The following FAM193A variants were observed in gnomAD, a reference collection of about 807,000 sequenced individuals.
FAM193A encodes family with sequence similarity 193 member A.
A neutral mutation model predicts 126.5 loss-of-function variants in FAM193A; 22 were observed. The ratio of observed to expected loss-of-function variants is 0.17; its 90% CI spans 0.12 to 0.25. The LOEUF (loss-of-function observed/expected upper bound fraction) is 0.25. FAM193A is among the 10% of genes least tolerant of loss of function. FAM193A has a pLI of 1.00. For missense variants in FAM193A, 1,675 were observed against 1,672.8 expected (o/e 1.00, Z -0.02); for synonymous variants, 761 against 646.8 (o/e 1.18, Z -2.68).
At chr4:2,686,477 A>G (rs1345918614) in intron 13 of FAM193A, among the ~76,000 whole-genome samples, 2 of 152,190 alleles carry the variant, frequency 1.3e-5, no homozygotes, top group African/African-American at 4.8e-5. Context: ...CAAAATATCA[A>G]AATGTTGTGA....
chr4:2,630,220 G>A (rs1319288386), intron 4 of FAM193A, among the ~76,000 whole-genome samples: 1 of 150,606 alleles, frequency 6.6e-6, no homozygotes, highest in African/African-American at 2.5e-5. Context: ...TCATGAAAAT[G>A]CTCATTGCAT....
chr4:2,552,020 T>TTA, intron 1 of FAM193A, among the ~76,000 whole-genome samples: 1 of 147,342 alleles, frequency 6.8e-6, no homozygotes, highest in Non-Finnish European at 1.5e-5. Flanking sequence ...TTTTTTTTTT[T>TTA]TTTTTTTTCG....
At chr4:2,715,679 G>A (rs187183955) in intron 19 of FAM193A, among the ~76,000 whole-genome samples, 31 of 152,252 alleles carry the variant, frequency 2.0e-4, no homozygotes, top group South Asian at 6.2e-4. Flanking sequence ...GCTTGCGTGC[G>A]AATTAGATTT....
At chr4:2,655,115 C>A in intron 7 of FAM193A, 1 of 699,548 alleles carries the variant, frequency 1.4e-6, no homozygotes, top group Non-Finnish European at 2.6e-6. Flanking sequence ...CCAGTCCTGG[C>A]TTCGAGGGGC....
intron 7 of FAM193A, among the ~76,000 whole-genome samples, chr4:2,649,084 G>A (rs1745413395): frequency 6.6e-6 from 1 of 152,178 alleles, no homozygotes; most frequent in Non-Finnish European, 1.5e-5. Context: ...TTTTTAAAAA[G>A]TAAAACTGGC....
Position 2,601,725 on chromosome 4 carries a change from T to TA in FAM193A, c.501+5409dup, listed in dbSNP as rs974230252. Among the ~76,000 whole-genome samples, 355 of 143,124 alleles carry TA rather than the reference T, an allele frequency of 2.5e-3. 3 individuals carry two copies. The highest frequency in any genetic ancestry group is 0.023 in the South Asian group (107 of 4,588). 93.9% of individuals were successfully genotyped at this position (143,124 alleles called of 152,430 possible). A position where few individuals can be genotyped will look rare whatever the true frequency, so the allele number is the denominator to read the frequency against. On this transcript the variant is annotated intron_variant, in intron 2 of 20. Coordinates refer to ENST00000637812, the MANE Select transcript of FAM193A (RefSeq NM_001366318.2). Reference sequence around the variant, plus strand: ...CTAACATAGAAAGACTCTGTCTCTATAAAAAAAAAAAAATTATAAACCAAA... The same window carrying TA: ...CTAACATAGAAAGACTCTGTCTCTATAAAAAAAAAAAAAATTATAAACCAAA...
rs61791163 is a variant in FAM193A at position 2,671,744 on chromosome 4, G to C, written c.2080-377G>C. Among the ~76,000 whole-genome samples the C allele has an allele frequency of 8.0e-3, 1,226 of 152,326 alleles. 8 individuals carry two copies. Among genetic ancestry groups the C allele is most frequent in the Non-Finnish European group, 0.012 (816 of 68,022 alleles). On this transcript the variant is annotated intron_variant, in intron 12 of 20. Coordinates refer to ENST00000637812, the MANE Select transcript of FAM193A (RefSeq NM_001366318.2). ...GCTTTGTTTTGGAGAATCCATGTGT[G>C]ACTACTTAGAAGCAGTGTGAGCCCA...
chr4:2,546,188 C>T (rs950878570), intron 1 of FAM193A, among the ~76,000 whole-genome samples: 19 of 151,568 alleles, frequency 1.3e-4, no homozygotes, highest in African/African-American at 4.6e-4. Context: ...GATGGGGTCC[C>T]ACTGTGTTTC....
At chr4:2,611,591 A>C (rs1741878756) in intron 2 of FAM193A, among the ~76,000 whole-genome samples, 1 of 151,914 alleles carries the variant, frequency 6.6e-6, no homozygotes, top group Non-Finnish European at 1.5e-5. Context: ...CATTTTCTTA[A>C]CGACTTGTTG....
At chr4:2,588,725 G>A (rs1170812527) in intron 1 of FAM193A, among the ~76,000 whole-genome samples, 3 of 152,042 alleles carry the variant, frequency 2.0e-5, no homozygotes, top group Non-Finnish European at 2.9e-5. Context: ...TTTCTCTCTG[G>A]TCATTTCTGG....
In FAM193A at chr4:2,582,738, C is replaced by T. The variant is rs187589646; in HGVS notation, c.256-13346C>T. ...TTTGCTGTGTGTTATGCAGCACAGGCTTTGAATGTTTGTAGAGGCGGCTTG... is the reference window on the plus strand; with the variant it reads ...TTTGCTGTGTGTTATGCAGCACAGGTTTTGAATGTTTGTAGAGGCGGCTTG... On this transcript the variant is annotated intron_variant, in intron 1 of 20. Coordinates refer to ENST00000637812, the MANE Select transcript of FAM193A (RefSeq NM_001366318.2). 6.8e-4 allele frequency among the ~76,000 whole-genome samples: 102 copies of T among 150,592 alleles called. 2 individuals are homozygous for T. In the Middle Eastern group the frequency reaches 0.031, roughly 45 times the overall value.
chr4:2,573,491 C>T (rs1180958490), intron 1 of FAM193A, among the ~76,000 whole-genome samples: 2 of 146,380 alleles, frequency 1.4e-5, no homozygotes, highest in African/African-American at 5.1e-5. Context: ...CCAGCCTCAG[C>T]GACAGAGTGA....
chr4:2,653,307 CACAT>C (rs1482150258), intron 7 of FAM193A, among the ~76,000 whole-genome samples: 2 of 152,122 alleles, frequency 1.3e-5, no homozygotes, highest in Non-Finnish European at 2.9e-5. Context: ...GTAAAAATAA[CACAT>C]ACATGTTCTC....
chr4:2,646,541 T>C, intron 6 of FAM193A, 144 bp from the exon 7 acceptor site: 1 of 792,794 alleles, frequency 1.3e-6, no homozygotes, highest in Middle Eastern at 2.5e-4. Flanking sequence ...CACAGCTCCC[T>C]GCTGTGGTGC....
intron 10 of FAM193A, among the ~76,000 whole-genome samples, chr4:2,661,255 G>A (rs1039716555): frequency 2.0e-5 from 3 of 152,162 alleles, no homozygotes; most frequent in Non-Finnish European, 4.4e-5. Flanking sequence ...TGTAAACTAT[G>A]ATTTGAAAAT....
chr4:2,691,027 C>T (rs1716317693), intron 15 of FAM193A, 57 bp downstream of exon 15: 1 of 1,496,540 alleles, frequency 6.7e-7, no homozygotes, highest in South Asian at 1.3e-5. Context: ...GGCTTACTGA[C>T]TTCTCGTCTT....
chr4:2,637,355 T>C (rs1181483372), intron 5 of FAM193A, among the ~76,000 whole-genome samples: 1 of 152,168 alleles, frequency 6.6e-6, no homozygotes, highest in Non-Finnish European at 1.5e-5. Flanking sequence ...TCAATATTTT[T>C]TTAAAAGAAA....
Position 2,628,837 on chromosome 4 carries a change from AT to A in FAM193A, c.804-2097del, listed in dbSNP as rs1223233186. Reference sequence around the variant, plus strand: ...GAATGAGCTTCCTAGCTTCTTCAGCATATTGCTGTCTCTCTCTTTTTTTTTT... The same window carrying A: ...GAATGAGCTTCCTAGCTTCTTCAGCAATTGCTGTCTCTCTCTTTTTTTTTT... On this transcript the variant is annotated intron_variant, in intron 4 of 20. Coordinates refer to ENST00000637812, the MANE Select transcript of FAM193A (RefSeq NM_001366318.2). Among the ~76,000 whole-genome samples, 8 of 148,684 alleles carry A rather than the reference AT, an allele frequency of 5.4e-5. No individual in the cohort carries two copies. In the Admixed American group the frequency reaches 5.7e-4, roughly 11 times the overall value.
In FAM193A at chr4:2,731,954, C is replaced by A; in HGVS notation, c.*86C>A. The stretch of plus-strand genomic sequence containing the variant: ...CACGCCCCTCGCTGGCGCCCCAGAG[C>A]CGTGGTGCTTGCCAAGGGCTGTGCG... On this transcript the variant is annotated 3_prime_UTR_variant, in exon 21 of 21. Coordinates refer to ENST00000637812, the MANE Select transcript of FAM193A (RefSeq NM_001366318.2). 1 of 1,050,898 alleles carries A rather than the reference C, an allele frequency of 9.5e-7. No homozygotes were observed. The highest frequency in any genetic ancestry group is 1.5e-6 in the Non-Finnish European group (1 of 676,078). The allele number at this position is 1,050,898 out of a possible 1,614,324, so 65.1% of individuals were successfully genotyped here.
Sources: gnomAD v4.1 joint callset for allele counts (sites outside exome capture counted in the v4.1 genomes callset) on GRCh38, gnomAD v4.1.1 for gene constraint, MANE v1.5 for transcripts, NCBI Gene and HGNC (gene_info 2026-07-23, HGNC 2026-07-21) for gene names.